PTPRK: variants seen among roughly 807,000 people sequenced by gnomAD.
PTPRK encodes the protein receptor-type tyrosine-protein phosphatase kappa.
In PTPRK, 75 loss-of-function variants were observed where a neutral mutation model predicts 178.0. That is an observed-to-expected ratio of 0.42 (90% CI 0.35 to 0.51). The LOEUF (loss-of-function observed/expected upper bound fraction) is 0.51, where lower values mean the gene tolerates loss of function less well. Among genes scored for constraint, PTPRK ranks in the 20% least tolerant of loss-of-function variants. PTPRK has a pLI of 0.02. For missense variants in PTPRK, 1,441 were observed against 1,797.8 expected, an observed-to-expected ratio of 0.80 and a Z score of 3.59; for synonymous variants, 637 against 620.6, an observed-to-expected ratio of 1.03 and a Z score of -0.39.
chr6:128,339,688 G>A (rs1371147729), intron 2 of PTPRK, among the ~76,000 whole-genome samples: 1 of 152,044 alleles, frequency 6.6e-6, no homozygotes, highest in East Asian at 1.9e-4. Flanking sequence ...ATATCCTTCT[G>A]TACCTAAGAA....
In PTPRK at chr6:128,474,536, C is replaced by G. The variant is rs552781287; in HGVS notation, c.100+45723G>C. On this transcript the variant is annotated intron_variant, in intron 1 of 29. Transcript: ENST00000368226. ...ATATGGCTATATAAGTATCTGTATA[C>G]TCCTTTTCTCAAATCAAACTTAACT... Among the ~76,000 whole-genome samples, 6 of 152,198 alleles carry G rather than the reference C, an allele frequency of 3.9e-5. No individual in the cohort carries two copies. The South Asian group carries it at 1.2e-3, about 32-fold the overall frequency.
At chr6:128,427,171 G>T (rs1221444367) in intron 1 of PTPRK, among the ~76,000 whole-genome samples, 1 of 152,182 alleles carries the variant, frequency 6.6e-6, no homozygotes, top group African/African-American at 2.4e-5. Context: ...GCCAGAGAGT[G>T]CTTATGTGCT....
At chr6:128,508,070 AAGAC>A (rs1483465078) in intron 1 of PTPRK, among the ~76,000 whole-genome samples, 2 of 152,114 alleles carry the variant, frequency 1.3e-5, no homozygotes, top group Admixed American at 6.5e-5. Flanking sequence ...AGCAAACTGT[AAGAC>A]AGACAGAGCT....
intron 13 of PTPRK, among the ~76,000 whole-genome samples, chr6:128,019,257 C>T (rs1773078795): frequency 6.6e-6 from 1 of 152,146 alleles, no homozygotes; most frequent in South Asian, 2.1e-4. Flanking sequence ...CTTTCTGACT[C>T]CCATCTGGCA....
At chr6:128,166,937 C>T (rs905340804) in intron 7 of PTPRK, among the ~76,000 whole-genome samples, 4 of 151,678 alleles carry the variant, frequency 2.6e-5, no homozygotes, top group South Asian at 2.1e-4. Flanking sequence ...ATTGATATTA[C>T]GTTTTCTGTT....
intron 3 of PTPRK, among the ~76,000 whole-genome samples, chr6:128,288,769 G>A (rs1461306219): frequency 6.6e-6 from 1 of 152,006 alleles, no homozygotes; most frequent in Non-Finnish European, 1.5e-5. Context: ...ACACTCTATA[G>A]TCAGTTAACA....
chr6:128,285,454 G>A (rs1388579736), intron 3 of PTPRK, among the ~76,000 whole-genome samples: 1 of 151,554 alleles, frequency 6.6e-6, no homozygotes, highest in East Asian at 1.9e-4. Flanking sequence ...GGTTTAGGTT[G>A]CAGTGAGCTG....
chr6:128,146,829 C>A (rs902160167), intron 7 of PTPRK, among the ~76,000 whole-genome samples: 1 of 152,110 alleles, frequency 6.6e-6, no homozygotes, highest in African/African-American at 2.4e-5. Flanking sequence ...GACACCATGT[C>A]AAGGTACAAA....
chr6:128,142,926 A>C (rs989825691), intron 7 of PTPRK, among the ~76,000 whole-genome samples: 1 of 152,086 alleles, frequency 6.6e-6, no homozygotes, highest in South Asian at 2.1e-4. Context: ...TTCTTCACAT[A>C]ATTACAAATT....
intron 2 of PTPRK, among the ~76,000 whole-genome samples, chr6:128,385,172 C>A (rs982135294): frequency 1.3e-5 from 2 of 151,092 alleles, no homozygotes; most frequent in Non-Finnish European, 3.0e-5. Flanking sequence ...AGTGACCAAT[C>A]TCCTGTGATA....
intron 21 of PTPRK, among the ~76,000 whole-genome samples, chr6:127,986,180 T>C (rs989735044): frequency 2.0e-5 from 3 of 152,114 alleles, no homozygotes; most frequent in African/African-American, 7.2e-5. Context: ...ACACATTAAA[T>C]TATTAGGGGA....
At chr6:128,304,049 T>C (rs1374475852) in intron 3 of PTPRK, among the ~76,000 whole-genome samples, 1 of 152,172 alleles carries the variant, frequency 6.6e-6, no homozygotes, top group Non-Finnish European at 1.5e-5. Flanking sequence ...TTTGGAGCAT[T>C]AACATTATTC....
At chr6:128,404,615 G>A (rs1004516771) in intron 1 of PTPRK, among the ~76,000 whole-genome samples, 2 of 152,240 alleles carry the variant, frequency 1.3e-5, no homozygotes, top group Middle Eastern at 3.4e-3. Flanking sequence ...GTACAAGTTG[G>A]AATTCAAAAA....
intron 13 of PTPRK, among the ~76,000 whole-genome samples, chr6:128,057,718 A>T (rs1242911402): frequency 6.6e-6 from 1 of 152,110 alleles, no homozygotes; most frequent in Non-Finnish European, 1.5e-5. Context: ...TTTCACTGTA[A>T]TAAGTCGTAG....
At chr6:128,004,732 G>T (rs1778227914) in intron 15 of PTPRK, among the ~76,000 whole-genome samples, 2 of 151,762 alleles carry the variant, frequency 1.3e-5, no homozygotes, top group Admixed American at 1.3e-4. Context: ...CACAAAGGAA[G>T]ATGCAAATGG....
chr6:128,294,416 G>A (rs372073430), intron 3 of PTPRK, among the ~76,000 whole-genome samples: 10 of 151,884 alleles, frequency 6.6e-5, no homozygotes, highest in African/African-American at 7.3e-5. Context: ...TAGAAATGCT[G>A]TTTCATATCT....
rs146833229 is a variant in PTPRK at position 128,422,040 on chromosome 6, G to A, written c.101-24352C>T. Among the ~76,000 whole-genome samples the A allele has an allele frequency of 1.3e-4, 20 of 152,270 alleles. 1 individual carries two copies. Among genetic ancestry groups the A allele is most frequent in the South Asian group, 4.2e-4 (2 of 4,818 alleles). On this transcript the variant is annotated intron_variant, in intron 1 of 29. Transcript: ENST00000368226. The stretch of plus-strand genomic sequence containing the variant: ...AACAGAGCTGCTTTGTATTTCTTCA[G>A]GGAGATCCCTCTGCCTACAACTGTA...
chr6:128,033,149 T>A (rs1775632729), intron 13 of PTPRK, among the ~76,000 whole-genome samples: 1 of 152,174 alleles, frequency 6.6e-6, no homozygotes, highest in Non-Finnish European at 1.5e-5. Context: ...TAGTTGGTTA[T>A]ACTCCCTGAG....
At chr6:128,416,432 G>C (rs896199773) in intron 1 of PTPRK, among the ~76,000 whole-genome samples, 1 of 151,528 alleles carries the variant, frequency 6.6e-6, no homozygotes, top group African/African-American at 2.4e-5. Flanking sequence ...ACGAGGTCAG[G>C]AGATCGAGAC....
Sources: gnomAD v4.1 joint callset for allele counts (sites outside exome capture counted in the v4.1 genomes callset) on GRCh38, gnomAD v4.1.1 for gene constraint, MANE v1.5 for transcripts, NCBI Gene and HGNC (gene_info 2026-07-23, HGNC 2026-07-21) for gene names.